SLC25A18: variants seen among roughly 807,000 people sequenced by gnomAD.
The protein encoded by SLC25A18 is solute carrier family 25 member 18.
SLC25A18 carries 24 observed loss-of-function variants against 31.1 expected under a neutral mutation model. The observed-to-expected ratio is 0.77, with a 90% confidence interval of 0.56 to 1.08. The LOEUF is 1.08. Among genes scored for constraint, SLC25A18 ranks in the 50% least tolerant of loss-of-function variants. SLC25A18 has a pLI of 0.00. For missense variants in SLC25A18, 371 were observed against 418.5 expected, an observed-to-expected ratio of 0.89 and a Z score of 0.99; for synonymous variants, 173 against 161.9, an observed-to-expected ratio of 1.07 and a Z score of -0.52.
At chr22:17,564,227 C>G (rs985686125) in intron 1 of SLC25A18, among the ~76,000 whole-genome samples, 1 of 152,182 alleles carries the variant, frequency 6.6e-6, no homozygotes, top group Non-Finnish European at 1.5e-5. Context: ...GATGGTGTTC[C>G]TCTCCCCACC....
At chr22:17,580,997 C>T in intron 3 of SLC25A18, 40 bp from the exon 4 acceptor site, 1 of 1,516,400 alleles carries the variant, frequency 6.6e-7, no homozygotes, top group Non-Finnish European at 8.9e-7. Context: ...CCTGCCCCTC[C>T]CTCTGCCTCT....
At chr22:17,586,924 T>C (rs1274360427) in intron 7 of SLC25A18, among the ~76,000 whole-genome samples, 2 of 152,066 alleles carry the variant, frequency 1.3e-5, no homozygotes, top group Non-Finnish European at 2.9e-5. Flanking sequence ...GTTCTCAGCA[T>C]TGGGATAGCT....
At position 17,583,515 on chromosome 22, in the gene SLC25A18, G is replaced by A. The variant is rs781090293; in HGVS notation, c.390G>A (p.Leu130=). Reference sequence around the variant, plus strand: ...CCATGGAAATGCTCAAGATTCAGCTGCAGGATGCTGGACGCCTGGGTGAGG... The same window carrying A: ...CCATGGAAATGCTCAAGATTCAGCTACAGGATGCTGGACGCCTGGGTGAGG... ...TCPMEMLKIQ[L]QDAGRLAVHH... Residue 130 remains leucine (L), a synonymous_variant, in exon 7 of 11, where the codon CTG becomes CTA. Coordinates refer to ENST00000327451, the MANE Select transcript of SLC25A18 (RefSeq NM_031481.3). The A allele has an allele frequency of 2.5e-6, 4 of 1,613,788 alleles. No individual in the cohort carries two copies. The highest frequency in any genetic ancestry group is 2.2e-5 in the East Asian group (1 of 44,886).
chr22:17,566,416 C>CT (rs756780407), intron 1 of SLC25A18, among the ~76,000 whole-genome samples: 24,980 of 147,168 alleles, frequency 0.17, 2,876 homozygotes, highest in African/African-American at 0.33. Context: ...CTGTCATTTT[C>CT]TTTTTTTTTT....
chr22:17,584,446 G>GGAGAGAGA (rs60872688), intron 7 of SLC25A18, among the ~76,000 whole-genome samples: 27 of 116,934 alleles, frequency 2.3e-4, no homozygotes, highest in East Asian at 7.2e-4. Flanking sequence ...AAGGAAGGAA[G>GGAGAGAGA]GAGAGAGAGA....
At chr22:17,580,832 G>A in intron 3 of SLC25A18, 5 of 1,311,534 alleles carry the variant, frequency 3.8e-6, no homozygotes, top group Non-Finnish European at 3.9e-6. Context: ...GGGACTTCCC[G>A]GGTTGCAGCA....
chr22:17,588,044 G>C lies in SLC25A18; in HGVS notation c.695G>C (p.Gly232Ala). 6.2e-7 allele frequency: 1 copy of C among 1,614,122 alleles called. No individual in the cohort carries two copies. Among genetic ancestry groups the C allele is most frequent in the Non-Finnish European group, 8.5e-7 (1 of 1,180,040 alleles). The change falls in exon 9 of 11, where the codon GGT (glycine) becomes GCT (alanine). Residue 232 changes from glycine to alanine, a missense_variant. Transcript: ENST00000327451. Reference sequence around the variant, plus strand: ...TCCTTCGTGTCAGGCTGTGTGGCAGGTTCCATAGCTGCGGTCGCAGTGACG... The same window carrying C: ...TCCTTCGTGTCAGGCTGTGTGGCAGCTTCCATAGCTGCGGTCGCAGTGACG... ...AHSFVSGCVAGSIAAVAVTPL... is the reference protein window; with the variant it reads ...AHSFVSGCVAASIAAVAVTPL...
At chr22:17,577,573 C>CTATTTT (rs2057260798) in intron 2 of SLC25A18, among the ~76,000 whole-genome samples, 1 of 143,104 alleles carries the variant, frequency 7.0e-6, no homozygotes, top group Non-Finnish European at 1.5e-5. Context: ...CAGTTGTGTC[C>CTATTTT]TGTCTATTTT....
chr22:17,589,511 G>C, intron 9 of SLC25A18, 79 bp from the exon 10 acceptor site: 3 of 1,325,874 alleles, frequency 2.3e-6, no homozygotes, highest in Non-Finnish European at 2.1e-6. Context: ...CTCTACAGGA[G>C]GGCCCAGCCC....
chr22:17,566,267 T>C (rs893189965), intron 1 of SLC25A18, among the ~76,000 whole-genome samples: 2 of 152,144 alleles, frequency 1.3e-5, no homozygotes, highest in African/African-American at 4.8e-5. Context: ...TCTAACACTC[T>C]CAGTGGGGGG....
intron 2 of SLC25A18, among the ~76,000 whole-genome samples, chr22:17,579,141 T>C (rs1415390961): frequency 6.6e-6 from 1 of 151,932 alleles, no homozygotes; most frequent in African/African-American, 2.4e-5. Flanking sequence ...CAGGCTGGAG[T>C]GCAGTGGTGT....
rs142426417 is a variant in SLC25A18, at chr22:17,565,675, C to T, written c.-264+1962C>T. Among the ~76,000 whole-genome samples the T allele has an allele frequency of 8.8e-3, 1,336 of 152,168 alleles. 23 individuals are homozygous for T. Among genetic ancestry groups the T allele is most frequent in the African/African-American group, 0.03 (1,261 of 41,534 alleles). ...CTGAGGTGGGGAGTTCAAGACCAGC[C>T]TGACAAACATGGAGAAACCCCGTCT... On this transcript the variant is annotated intron_variant, in intron 1 of 10. Transcript: ENST00000327451.
rs544345676 is a variant in SLC25A18, at chr22:17,570,051, A to G, written c.-201+65A>G. 98 of 954,754 alleles carry G rather than the reference A, an allele frequency of 1.0e-4. 1 individual carries two copies. In the African/African-American group the frequency reaches 1.6e-3, roughly 15 times the overall value. 59.1% of individuals were successfully genotyped at this position (954,754 alleles called of 1,614,324 possible). A position where few individuals can be genotyped will look rare whatever the true frequency, so the allele number is the denominator to read the frequency against. ...AGGAAAAGACTCTTCTAGCAAATAA[A>G]CCATTGGGGGAAAGGGGAAGAGCAG... On this transcript the variant is annotated intron_variant, in intron 2 of 10. Transcript: ENST00000327451.
At position 17,584,451 on chromosome 22, in the gene SLC25A18, GAGA is replaced by G. The variant is rs1569190657; in HGVS notation, c.409+918_409+920del. On this transcript the variant is annotated intron_variant, in intron 7 of 10. Transcript: ENST00000327451. ...GGAAGGAAGGAAGGAAGGAAGGAGA[GAGA>G]GAGAGAGAGAGAGAGAGAAAGAAAG... 6.2e-4 allele frequency among the ~76,000 whole-genome samples: 80 copies of G among 128,570 alleles called. 1 individual carries two copies. The East Asian group carries it at 0.015, about 25-fold the overall frequency. The allele number at this position is 128,570 out of a possible 152,430, so 84.3% of individuals were successfully genotyped here. A position where few individuals can be genotyped will look rare whatever the true frequency, so the allele number is the denominator to read the frequency against.
intron 2 of SLC25A18, among the ~76,000 whole-genome samples, chr22:17,573,004 C>T (rs2057139165): frequency 1.3e-5 from 2 of 151,920 alleles, no homozygotes; most frequent in African/African-American, 4.8e-5. Context: ...TCTCAACAAC[C>T]CAGGAGGCTG....
At chr22:17,566,575 G>A (rs535308161) in intron 1 of SLC25A18, among the ~76,000 whole-genome samples, 1 of 152,248 alleles carries the variant, frequency 6.6e-6, no homozygotes, top group African/African-American at 2.4e-5. Flanking sequence ...ACCATGCCCA[G>A]TTAATTTTGT....
intron 3 of SLC25A18, 129 bp downstream of exon 3, chr22:17,580,093 T>A (rs1253713427): frequency 2.5e-6 from 2 of 797,686 alleles, no homozygotes; most frequent in Non-Finnish European, 4.1e-6. Flanking sequence ...CTGTCCCCCA[T>A]ATAACATATA....
At chr22:17,568,631 G>A (rs1252636147) in intron 1 of SLC25A18, among the ~76,000 whole-genome samples, 2 of 120,610 alleles carry the variant, frequency 1.7e-5, no homozygotes, top group Non-Finnish European at 3.2e-5. Flanking sequence ...GTGCGATCTC[G>A]GCTCACTGCA....
intron 1 of SLC25A18, among the ~76,000 whole-genome samples, chr22:17,565,239 C>A (rs1333801049): frequency 6.6e-6 from 1 of 151,994 alleles, no homozygotes; most frequent in African/African-American, 2.4e-5. Context: ...TGCCACTATA[C>A]CCAGCTAATT....
Sources: gnomAD v4.1 joint callset for allele counts (sites outside exome capture counted in the v4.1 genomes callset) on GRCh38, gnomAD v4.1.1 for gene constraint, MANE v1.5 for transcripts, NCBI Gene and HGNC (gene_info 2026-07-23, HGNC 2026-07-21) for gene names.